The following RANBP2 variants were observed in gnomAD, a reference collection of about 807,000 sequenced individuals.
RANBP2 encodes RAN binding protein 2, also known as E3 SUMO-protein ligase RanBP2.
A neutral mutation model predicts 303.6 loss-of-function variants in RANBP2; 57 were observed. That is an observed-to-expected ratio of 0.19 (90% confidence interval 0.15 to 0.23). The LOEUF (loss-of-function observed/expected upper bound fraction) is 0.23. Ranked by LOEUF, RANBP2 falls within the 10% of genes least tolerant of loss-of-function variation. The pLI is 1.00. For missense variants in RANBP2, 3,138 were observed against 3,780.8 expected, an observed-to-expected ratio of 0.83 and a Z score of 4.46; for synonymous variants, 1,167 against 1,301.5, an observed-to-expected ratio of 0.90 and a Z score of 2.23.
At chr2:109,564,112 G>T in the RANBP2 span, 1 of 130,234 alleles carries the variant, frequency 7.7e-6, no homozygotes, top group East Asian at 1.3e-4. Context: ...AACTGAAACA[G>T]GGGGCCTCTG....
At chr2:109,408,998 G>A in the RANBP2 span, among the ~76,000 whole-genome samples, 1 of 152,214 alleles carries the variant, frequency 6.6e-6, no homozygotes, top group Non-Finnish European at 1.5e-5. Context: ...CTTAGCTGAG[G>A]CTTGGGAAGC....
At chr2:109,607,668 G>T in the RANBP2 span, among the ~76,000 whole-genome samples, 46 of 152,108 alleles carry the variant, frequency 3.0e-4, no homozygotes, top group Middle Eastern at 3.4e-3. Context: ...TCCTGAGGGG[G>T]TAATAATGAA....
the RANBP2 span, among the ~76,000 whole-genome samples, chr2:109,629,982 A>G: frequency 6.6e-6 from 1 of 152,122 alleles, no homozygotes; most frequent in Non-Finnish European, 1.5e-5. Flanking sequence ...CCCTGAAGGG[A>G]CTCACAGTCA....
the RANBP2 span, among the ~76,000 whole-genome samples, chr2:109,283,653 C>T: frequency 3.3e-5 from 5 of 152,324 alleles, no homozygotes; most frequent in East Asian, 9.7e-4. Context: ...ATTCAGTGCA[C>T]ATGGGGACCT....
the RANBP2 span, among the ~76,000 whole-genome samples, chr2:109,174,709 G>A: frequency 6.6e-6 from 1 of 152,240 alleles, no homozygotes; most frequent in Non-Finnish European, 1.5e-5. Context: ...CATGCACTGA[G>A]GTGGGAGATT....
At chr2:109,619,093 C>T in the RANBP2 span, 4 of 164,464 alleles carry the variant, frequency 2.4e-5, no homozygotes, top group African/African-American at 9.7e-5. Flanking sequence ...TTTATTTGAC[C>T]CTTTTCCTAT....
the RANBP2 span, among the ~76,000 whole-genome samples, chr2:109,288,084 C>T: frequency 2.0e-5 from 3 of 152,248 alleles, no homozygotes; most frequent in Non-Finnish European, 4.4e-5. Flanking sequence ...AATATAGTCT[C>T]ATGCCCTGAA....
the RANBP2 span, among the ~76,000 whole-genome samples, chr2:109,578,042 T>C: frequency 6.6e-6 from 1 of 151,890 alleles, no homozygotes; most frequent in Non-Finnish European, 1.5e-5. Context: ...TAAACACTCA[T>C]CTTCAACTTT....
At chr2:109,548,773 C>CT in the RANBP2 span, among the ~76,000 whole-genome samples, 2 of 31,834 alleles carry the variant, frequency 6.3e-5, no homozygotes, top group Non-Finnish European at 1.4e-4. Context: ...TAGGCTCCAT[C>CT]TCAAAAAAAA....
At chr2:108,726,814 G>T (rs983743483) in intron 1 of RANBP2, among the ~76,000 whole-genome samples, 13 of 152,054 alleles carry the variant, frequency 8.5e-5, no homozygotes, top group African/African-American at 3.1e-4. Flanking sequence ...GATTACTTGA[G>T]ATTAGGGAGT....
chr2:109,585,474 T>C, the RANBP2 span, among the ~76,000 whole-genome samples: 1 of 152,310 alleles, frequency 6.6e-6, no homozygotes, highest in African/African-American at 2.4e-5. Context: ...CCCCAAGTCA[T>C]TAGCAGAGCA....
the RANBP2 span, among the ~76,000 whole-genome samples, chr2:109,646,178 C>T: frequency 6.6e-6 from 1 of 152,102 alleles, no homozygotes; most frequent in Non-Finnish European, 1.5e-5. Context: ...AGGTGACTGT[C>T]CCTTATCCGT....
chr2:108,959,554 G>T, the RANBP2 span, among the ~76,000 whole-genome samples: 1 of 152,042 alleles, frequency 6.6e-6, no homozygotes, highest in Non-Finnish European at 1.5e-5. Flanking sequence ...GGTTTCCAAG[G>T]GACCTGGTTC....
At chr2:109,078,194 TAGCGTATATATATAG>T in the RANBP2 span, among the ~76,000 whole-genome samples, 1 of 57,684 alleles carries the variant, frequency 1.7e-5, no homozygotes, top group African/African-American at 6.9e-5. Context: ...CATATATATA[TAGCGTATATATATAG>T]CGTATATATA....
chr2:108,853,285 A>G, the RANBP2 span, among the ~76,000 whole-genome samples: 1 of 152,164 alleles, frequency 6.6e-6, no homozygotes, highest in Admixed American at 6.5e-5. Flanking sequence ...TTTACAGAAG[A>G]GCAAACTGAG....
chr2:108,846,327 TTTAAA>T, the RANBP2 span, among the ~76,000 whole-genome samples: 36 of 152,334 alleles, frequency 2.4e-4, no homozygotes, highest in Middle Eastern at 6.8e-3. Context: ...TATTTTCAAC[TTTAAA>T]TTAGCCACAG....
chr2:109,480,847 C>G, the RANBP2 span, among the ~76,000 whole-genome samples: 62 of 152,266 alleles, frequency 4.1e-4, no homozygotes, highest in East Asian at 1.9e-4. Context: ...GTTCGCTGTT[C>G]TCTAGCTTGG....
chr2:109,218,886 A>T, the RANBP2 span, among the ~76,000 whole-genome samples: 1 of 152,238 alleles, frequency 6.6e-6, no homozygotes, highest in Admixed American at 6.5e-5. Context: ...AAAAATATAT[A>T]GGTGGAGAAA....
chr2:109,063,495 C>T, the RANBP2 span, among the ~76,000 whole-genome samples: 2 of 152,150 alleles, frequency 1.3e-5, no homozygotes, highest in South Asian at 2.1e-4. Context: ...GAGGCCCCCG[C>T]GTGGCTGCAA....
Sources: allele counts gnomAD v4.1 joint callset (sites outside exome capture counted in the v4.1 genomes callset), GRCh38; gene constraint gnomAD v4.1.1; transcripts MANE v1.5; gene names NCBI Gene and HGNC (gene_info 2026-07-23, HGNC 2026-07-21).